The following RYR3 variants were observed in gnomAD, a reference collection of about 807,000 sequenced individuals.
RYR3 encodes the protein brain ryanodine receptor-calcium release channel.
Under a neutral mutation model 584.3 loss-of-function variants are expected in RYR3, and 207 were observed. That is an observed-to-expected ratio of 0.35 (90% CI 0.32 to 0.40). RYR3 has a LOEUF of 0.40. Ranked by LOEUF, RYR3 falls within the 10% of genes least tolerant of loss-of-function variation. The pLI is 1.00. For missense variants in RYR3, 5,616 were observed against 6,089.2 expected (o/e 0.92, Z 2.59); for synonymous variants, 2,416 against 2,248.5 (o/e 1.07, Z -2.11).
At chr15:33,362,523 A>G (rs1974921898) in intron 1 of RYR3, among the ~76,000 whole-genome samples, 1 of 152,140 alleles carries the variant, frequency 6.6e-6, no homozygotes, top group Non-Finnish European at 1.5e-5. Context: ...ATCCACACAT[A>G]TGATTAAATC....
At chr15:33,612,519 C>T (rs1462300052) in intron 18 of RYR3, among the ~76,000 whole-genome samples, 1 of 152,192 alleles carries the variant, frequency 6.6e-6, no homozygotes, top group Non-Finnish European at 1.5e-5. Flanking sequence ...CGCCACCACA[C>T]CCGGCTACTT....
At chr15:33,536,314 C>A (rs1390957792) in intron 5 of RYR3, among the ~76,000 whole-genome samples, 1 of 152,198 alleles carries the variant, frequency 6.6e-6, no homozygotes, top group Non-Finnish European at 1.5e-5. Context: ...TACATTCTCA[C>A]ACTTAACACA....
At chr15:33,742,117 A>G (rs1467759930) in intron 51 of RYR3, among the ~76,000 whole-genome samples, 4 of 152,196 alleles carry the variant, frequency 2.6e-5, no homozygotes, top group Non-Finnish European at 5.9e-5. Context: ...ACATGGCAGG[A>G]GGCCTTCCCA....
intron 64 of RYR3, among the ~76,000 whole-genome samples, chr15:33,775,586 T>A (rs1254339369): frequency 6.6e-6 from 1 of 152,162 alleles, no homozygotes; most frequent in Non-Finnish European, 1.5e-5. Context: ...GTTTAGTGAT[T>A]TAATGTAACT....
chr15:33,633,256 T>C (rs573948879), intron 24 of RYR3, 148 bp downstream of exon 24: 11 of 766,518 alleles, frequency 1.4e-5, no homozygotes, highest in East Asian at 1.1e-4. Flanking sequence ...ATTTATGGAA[T>C]CATGGGGCTG....
At chr15:33,637,522 CTTTA>C (rs2061561433) in intron 27 of RYR3, among the ~76,000 whole-genome samples, 1 of 152,232 alleles carries the variant, frequency 6.6e-6, no homozygotes. Flanking sequence ...TCTTAGTTGA[CTTTA>C]TTTATCCATT....
At chr15:33,841,650 A>G in intron 90 of RYR3, 1 of 514,460 alleles carries the variant, frequency 1.9e-6, no homozygotes, top group South Asian at 3.2e-5. Flanking sequence ...AAACTTGTAT[A>G]TAGCTGATGT....
At chr15:33,377,091 G>A (rs993689570) in intron 1 of RYR3, among the ~76,000 whole-genome samples, 5 of 152,208 alleles carry the variant, frequency 3.3e-5, no homozygotes, top group South Asian at 4.1e-4. Context: ...CAGGCAGCAT[G>A]TACCACCATT....
intron 1 of RYR3, among the ~76,000 whole-genome samples, chr15:33,422,770 T>A (rs1468947779): frequency 6.6e-6 from 1 of 152,102 alleles, no homozygotes; most frequent in Non-Finnish European, 1.5e-5. Flanking sequence ...AGGAACCAGA[T>A]CAGCAGAGGC....
chr15:33,792,741 A>G (rs1199452712), intron 67 of RYR3, among the ~76,000 whole-genome samples: 1 of 152,194 alleles, frequency 6.6e-6, no homozygotes, highest in East Asian at 1.9e-4. Context: ...TCATAAAGCT[A>G]TTGATAGGGT....
At chr15:33,686,395 A>G (rs988177657) in intron 38 of RYR3, among the ~76,000 whole-genome samples, 8 of 152,220 alleles carry the variant, frequency 5.3e-5, no homozygotes, top group Non-Finnish European at 4.4e-5. Context: ...GAATCTCTGA[A>G]TAGACCAATA....
intron 9 of RYR3, among the ~76,000 whole-genome samples, chr15:33,548,913 C>T (rs1257312570): frequency 6.6e-6 from 1 of 152,092 alleles, no homozygotes; most frequent in Admixed American, 6.6e-5. Context: ...CTGCCTTTCC[C>T]TCTAGTTCTT....
chr15:33,592,937 C>T (rs572103887), intron 16 of RYR3, among the ~76,000 whole-genome samples: 8 of 152,116 alleles, frequency 5.3e-5, no homozygotes, highest in Non-Finnish European at 1.0e-4. Flanking sequence ...TTTAGGGAGA[C>T]GTGAGACGTG....
chr15:33,725,029 T>G (rs1469907770), intron 45 of RYR3, among the ~76,000 whole-genome samples: 1 of 152,028 alleles, frequency 6.6e-6, no homozygotes, highest in Non-Finnish European at 1.5e-5. Context: ...TCACCTCTCA[T>G]CACATCAGAA....
chr15:33,796,611 C>T (rs976758565), intron 67 of RYR3, among the ~76,000 whole-genome samples: 2 of 152,160 alleles, frequency 1.3e-5, no homozygotes, highest in Admixed American at 6.5e-5. Context: ...AGTTTTGTTA[C>T]ATAGGTACAT....
At chr15:33,589,583 A>G (rs1364561152) in intron 16 of RYR3, among the ~76,000 whole-genome samples, 1 of 152,184 alleles carries the variant, frequency 6.6e-6, no homozygotes, top group Non-Finnish European at 1.5e-5. Flanking sequence ...TAGGATTTTC[A>G]TAGTTTCAGG....
intron 27 of RYR3, among the ~76,000 whole-genome samples, chr15:33,637,849 C>T (rs1261651488): frequency 2.0e-5 from 3 of 151,920 alleles, no homozygotes; most frequent in Admixed American, 1.3e-4. Flanking sequence ...ATGTGCACAA[C>T]GTGCAGGTTT....
chr15:33,836,208 G>T (rs1257476939), intron 87 of RYR3, among the ~76,000 whole-genome samples: 1 of 149,392 alleles, frequency 6.7e-6, no homozygotes, highest in Non-Finnish European at 1.5e-5. Flanking sequence ...GTGAGGGGGG[G>T]GTCTGTAAAA....
chr15:33,865,043 T>G, intron 103 of RYR3, 88 bp from the exon 104 acceptor site: 1 of 953,256 alleles, frequency 1.0e-6, no homozygotes, highest in East Asian at 2.4e-5. Context: ...TCAGTCTTCC[T>G]AAAGGGAGCC....
Sources: gnomAD v4.1 joint callset for allele counts (sites outside exome capture counted in the v4.1 genomes callset) on GRCh38, gnomAD v4.1.1 for gene constraint, MANE v1.5 for transcripts, NCBI Gene and HGNC (gene_info 2026-07-23, HGNC 2026-07-21) for gene names.